The following UBASH3B variants were observed in gnomAD, a reference collection of about 807,000 sequenced individuals.
The protein encoded by UBASH3B is ubiquitin-associated and SH3 domain-containing protein B.
A neutral mutation model predicts 83.4 loss-of-function variants in UBASH3B; 37 were observed. That is an observed-to-expected ratio of 0.44 (90% CI 0.34 to 0.58). UBASH3B has a LOEUF of 0.58. UBASH3B is among the 20% of genes least tolerant of loss of function. The probability of loss-of-function intolerance (pLI) is 0.01; values close to 1 mark genes in which losing one functional copy is unlikely to be tolerated. For missense variants in UBASH3B, 657 were observed against 827.2 expected, an observed-to-expected ratio of 0.79 and a Z score of 2.52; for synonymous variants, 304 against 318.3, an observed-to-expected ratio of 0.96 and a Z score of 0.48.
At chr11:122,694,083 C>G (rs1248454534) in intron 1 of UBASH3B, among the ~76,000 whole-genome samples, 2 of 152,092 alleles carry the variant, frequency 1.3e-5, no homozygotes. Context: ...GATATGTAGA[C>G]GTGACATTAA....
intron 1 of UBASH3B, among the ~76,000 whole-genome samples, chr11:122,675,181 T>G (rs765206506): frequency 3.3e-5 from 5 of 152,272 alleles, no homozygotes; most frequent in Admixed American, 6.5e-5. Context: ...CCTCGGTTTC[T>G]GCTTTGCTGG....
chr11:122,679,362 G>A (rs1316576540), intron 1 of UBASH3B, among the ~76,000 whole-genome samples: 1 of 152,228 alleles, frequency 6.6e-6, no homozygotes, highest in African/African-American at 2.4e-5. Flanking sequence ...CCCCGGAAAG[G>A]CACCAAAGGA....
At chr11:122,716,081 G>A (rs534508801) in intron 1 of UBASH3B, among the ~76,000 whole-genome samples, 1 of 152,262 alleles carries the variant, frequency 6.6e-6, no homozygotes, top group African/African-American at 2.4e-5. Context: ...TCCTGATCGT[G>A]ATGCAGTGTC....
intron 1 of UBASH3B, among the ~76,000 whole-genome samples, chr11:122,712,868 C>A (rs901192920): frequency 7.2e-6 from 1 of 138,690 alleles, no homozygotes; most frequent in Non-Finnish European, 1.5e-5. Context: ...AGGAAGCTGA[C>A]TGGACATTCA....
chr11:122,713,558 G>C (rs1864228187), intron 1 of UBASH3B, among the ~76,000 whole-genome samples: 1 of 152,138 alleles, frequency 6.6e-6, no homozygotes, highest in African/African-American at 2.4e-5. Flanking sequence ...CTTTATGTTA[G>C]CAATTATAAA....
At chr11:122,694,839 C>T (rs1268233048) in intron 1 of UBASH3B, among the ~76,000 whole-genome samples, 2 of 151,846 alleles carry the variant, frequency 1.3e-5, no homozygotes, top group Non-Finnish European at 1.5e-5. Context: ...AAAACCCTAG[C>T]TGTTAGCATA....
At chr11:122,798,860 T>G (rs1045357429) in intron 9 of UBASH3B, 82 bp from the exon 10 acceptor site, 1 of 1,083,824 alleles carries the variant, frequency 9.2e-7, no homozygotes, top group Non-Finnish European at 1.4e-6. Context: ...AGGAGCTTAC[T>G]GCTTGGCCCC....
intron 1 of UBASH3B, among the ~76,000 whole-genome samples, chr11:122,747,677 C>T (rs10750226): frequency 0.96 from 146,525 of 152,346 alleles, 70,782 homozygotes; most frequent in Middle Eastern, 1. Context: ...AGCTGGGGAA[C>T]GTCTTTAAGC....
rs560189091 is a variant in UBASH3B, at chr11:122,755,681, C to T, written c.162-20538C>T. ...GAGGAAGCAAGGCAGGGAGAATTGA[C>T]TCATTTCGGATCCTCCTCTGAACTG... On this transcript the variant is annotated intron_variant, in intron 1 of 13. Transcript: ENST00000284273. Among the ~76,000 whole-genome samples, 19 of 152,294 alleles carry T rather than the reference C, an allele frequency of 1.2e-4. No homozygotes were observed. The South Asian group carries it at 3.9e-3, about 32-fold the overall frequency.
intron 1 of UBASH3B, among the ~76,000 whole-genome samples, chr11:122,734,051 A>T (rs1157326550): frequency 6.6e-6 from 1 of 151,876 alleles, no homozygotes; most frequent in African/African-American, 2.4e-5. Flanking sequence ...ACACCTCATT[A>T]ATTTTTTGTG....
At chr11:122,686,651 G>A (rs139980436) in intron 1 of UBASH3B, among the ~76,000 whole-genome samples, 5 of 152,244 alleles carry the variant, frequency 3.3e-5, no homozygotes, top group East Asian at 1.9e-4. Context: ...ATAGAGCTCC[G>A]TGTGCAGGCG....
intron 1 of UBASH3B, among the ~76,000 whole-genome samples, chr11:122,718,425 T>G (rs1286095322): frequency 6.6e-6 from 1 of 152,156 alleles, no homozygotes; most frequent in Non-Finnish European, 1.5e-5. Flanking sequence ...TGTGAAAGGA[T>G]GTGGAGTCTC....
At chr11:122,760,746 A>G (rs551009954) in intron 1 of UBASH3B, among the ~76,000 whole-genome samples, 7 of 152,332 alleles carry the variant, frequency 4.6e-5, no homozygotes, top group South Asian at 4.1e-4. Flanking sequence ...ATGTGAGGCC[A>G]TGGAGGACTC....
intron 1 of UBASH3B, among the ~76,000 whole-genome samples, chr11:122,755,024 G>C (rs191521312): frequency 3.0e-4 from 45 of 152,252 alleles, no homozygotes; most frequent in African/African-American, 9.9e-4. Context: ...TAAGCTCTGC[G>C]CCAAGTCACT....
intron 1 of UBASH3B, among the ~76,000 whole-genome samples, chr11:122,673,249 G>A (rs1482441189): frequency 6.6e-6 from 1 of 152,172 alleles, no homozygotes; most frequent in East Asian, 1.9e-4. Context: ...GTTGAGCTGG[G>A]GATGCAGGCC....
At chr11:122,764,676 A>G (rs1860503615) in intron 1 of UBASH3B, among the ~76,000 whole-genome samples, 1 of 152,256 alleles carries the variant, frequency 6.6e-6, no homozygotes, top group Non-Finnish European at 1.5e-5. Flanking sequence ...TGACCGTATC[A>G]GAAACTGAAG....
intron 5 of UBASH3B, among the ~76,000 whole-genome samples, chr11:122,784,273 C>A (rs1479490756): frequency 6.6e-6 from 1 of 152,064 alleles, no homozygotes; most frequent in Admixed American, 6.6e-5. Flanking sequence ...AGCTGAGACA[C>A]AAAAAACATT....
intron 1 of UBASH3B, among the ~76,000 whole-genome samples, chr11:122,696,593 C>T (rs1350505558): frequency 6.6e-6 from 1 of 152,120 alleles, no homozygotes; most frequent in Non-Finnish European, 1.5e-5. Context: ...AGGAGTGAGC[C>T]ACTGCACCCA....
chr11:122,778,036 G>A (rs888616800), intron 3 of UBASH3B, among the ~76,000 whole-genome samples: 2 of 151,978 alleles, frequency 1.3e-5, no homozygotes, highest in African/African-American at 4.8e-5. Context: ...GGCCTCTACT[G>A]ACCAAATATA....
Sources: gnomAD v4.1 joint callset for allele counts (sites outside exome capture counted in the v4.1 genomes callset) on GRCh38, gnomAD v4.1.1 for gene constraint, MANE v1.5 for transcripts, NCBI Gene and HGNC (gene_info 2026-07-23, HGNC 2026-07-21) for gene names.